Variants in CHID1 observed in about 807,000 individuals in gnomAD.
CHID1 encodes chitinase domain-containing protein 1.
A neutral mutation model predicts 55.4 loss-of-function variants in CHID1; 44 were observed. The observed-to-expected ratio is 0.79, with a 90% CI of 0.62 to 1.02. CHID1 has a LOEUF of 1.02. Among genes scored for constraint, CHID1 ranks in the 50% least tolerant of loss-of-function variants. CHID1 has a pLI of 0.00. For synonymous variants in CHID1, 216 were observed against 212.9 expected (o/e 1.01, Z -0.13); for missense variants, 491 against 515.3 (o/e 0.95, Z 0.46).
intron 7 of CHID1, 62 bp downstream of exon 7, chr11:899,278 C>T (rs1851623429): frequency 6.6e-7 from 1 of 1,505,258 alleles, no homozygotes; most frequent in South Asian, 1.2e-5. Flanking sequence ...GTCTTTCCTC[C>T]AGCCTCCTTC....
At chr11:887,097 A>G (rs892781450) in intron 8 of CHID1, among the ~76,000 whole-genome samples, 1 of 151,950 alleles carries the variant, frequency 6.6e-6, no homozygotes. Context: ...GCAGTGGCAC[A>G]ATCTCGGCTC....
Position 891,189 on chromosome 11 carries a change from C to T in CHID1, c.701+2238G>A, listed in dbSNP as rs531637471. ...CCCACGGGAGCCTCAGCACCTTCAC[C>T]GGCCCCGCCGACTGGGAGGGCACAG... is the stretch of plus-strand genomic sequence containing the variant. On this transcript the variant is annotated intron_variant, in intron 8 of 12. Coordinates refer to ENST00000323578, the MANE Select transcript of CHID1 (RefSeq NM_023947.4). Among the ~76,000 whole-genome samples the T allele has an allele frequency of 5.3e-5, 8 of 152,272 alleles. No homozygotes were observed. In the East Asian group the frequency reaches 7.7e-4, roughly 15 times the overall value.
chr11:892,209 G>T lies in CHID1; in HGVS notation c.701+1218C>A, dbSNP rs973333298. Among the ~76,000 whole-genome samples the T allele has an allele frequency of 2.6e-5, 4 of 152,354 alleles. No homozygotes were observed. In the East Asian group the frequency reaches 7.7e-4, roughly 29 times the overall value. The stretch of plus-strand genomic sequence containing the variant: ...CAGCCCTGGACTTGGGCCCGTTATT[G>T]CCGGGGAGGCTGAGGTTGCTGGGCT... On this transcript the variant is annotated intron_variant, in intron 8 of 12. Coordinates refer to ENST00000323578, the MANE Select transcript of CHID1 (RefSeq NM_023947.4).
At chr11:894,862 T>C (rs1363591206) in intron 7 of CHID1, among the ~76,000 whole-genome samples, 2 of 152,174 alleles carry the variant, frequency 1.3e-5, no homozygotes, top group Non-Finnish European at 2.9e-5. Context: ...CCTGTTTCCC[T>C]GACATGGCCC....
At chr11:914,876 G>A, upstream of CHID1, 1 of 317,956 alleles carries the variant, frequency 3.1e-6, no homozygotes, top group Admixed American at 4.4e-5. Context: ...AGTCAGCACA[G>A]GCAGGGCCCT....
At chr11:907,759 C>G (rs1241202578) in intron 1 of CHID1, among the ~76,000 whole-genome samples, 5 of 152,192 alleles carry the variant, frequency 3.3e-5, no homozygotes, top group Non-Finnish European at 7.3e-5. Context: ...TGGCCTTCCC[C>G]TTGGGTCACA....
chr11:870,499 C>T lies in CHID1; in HGVS notation c.960G>A (p.Arg320=), dbSNP rs766050579. The part of the protein sequence containing the change: ...KDAREPVVGA[R]YIQTLKDHRP... The stretch of plus-strand genomic sequence containing the variant: ...TGTGGTCCTTCAGTGTCTGGATGTA[C>T]CTGGGGAGACCAGGATATGGATTTG... The change falls in exon 11 of 13, where the codon AGG becomes AGA. Residue 320 remains arginine (R), a splice_region_variant and synonymous_variant. Coordinates refer to ENST00000323578, the MANE Select transcript of CHID1 (RefSeq NM_023947.4). 9 of 1,605,880 alleles carry T rather than the reference C, an allele frequency of 5.6e-6. No homozygotes were observed. In the South Asian group the frequency reaches 8.9e-5, roughly 16 times the overall value.
intron 7 of CHID1, among the ~76,000 whole-genome samples, chr11:894,305 C>A (rs554219910): frequency 6.6e-6 from 1 of 152,106 alleles, no homozygotes; most frequent in Non-Finnish European, 1.5e-5. Flanking sequence ...AGCAGTTAGG[C>A]CTCCTCTGGC....
chr11:882,598 G>A (rs570850077), intron 10 of CHID1: 1 of 154,334 alleles, frequency 6.5e-6, no homozygotes, highest in South Asian at 2.0e-4. Context: ...GAGCAGGGAG[G>A]ACAGCAACAC....
Position 869,798 on chromosome 11 carries a change from T to C in CHID1, c.*60A>G, listed in dbSNP as rs946762675. 4.1e-6 allele frequency: 6 copies of C among 1,461,370 alleles called. No individual in the cohort carries two copies. The African/African-American group carries it at 6.9e-5, about 17-fold the overall frequency. The allele number at this position is 1,461,370 out of a possible 1,614,324, so 90.5% of individuals were successfully genotyped here. A position where few individuals can be genotyped will look rare whatever the true frequency, so the allele number is the denominator to read the frequency against. On this transcript the variant is annotated 3_prime_UTR_variant, in exon 13 of 13. Transcript: ENST00000323578. Reference sequence around the variant, plus strand: ...GGAGTGGAGGCCTGTATTTCACACCTGCTCACTCACTCCATGGCTTAGAAA... The same window carrying C: ...GGAGTGGAGGCCTGTATTTCACACCCGCTCACTCACTCCATGGCTTAGAAA...
chr11:904,299 G>T (rs961804484), intron 2 of CHID1, among the ~76,000 whole-genome samples: 1 of 152,220 alleles, frequency 6.6e-6, no homozygotes, highest in African/African-American at 2.4e-5. Flanking sequence ...CACCCTTGAA[G>T]GTGCAATCCC....
At chr11:895,853 G>A (rs1439632775) in intron 7 of CHID1, among the ~76,000 whole-genome samples, 1 of 152,090 alleles carries the variant, frequency 6.6e-6, no homozygotes, top group African/African-American at 2.4e-5. Context: ...CCTGGATACT[G>A]CCTGCCCCTG....
intron 9 of CHID1, 146 bp from the exon 10 acceptor site, chr11:883,449 G>C: frequency 1.2e-6 from 1 of 860,738 alleles, no homozygotes; most frequent in Non-Finnish European, 1.8e-6. Context: ...TCACCCATCA[G>C]AAAGGGCTGT....
intron 10 of CHID1, among the ~76,000 whole-genome samples, chr11:873,361 AC>A (rs1406911250): frequency 6.6e-6 from 1 of 151,880 alleles, no homozygotes; most frequent in African/African-American, 2.4e-5. Flanking sequence ...GGCTTGTAAG[AC>A]CCCAAGGAGC....
intron 8 of CHID1, among the ~76,000 whole-genome samples, chr11:884,690 G>A (rs1850262601): frequency 6.6e-6 from 1 of 152,234 alleles, no homozygotes; most frequent in African/African-American, 2.4e-5. Context: ...AGGTAGACGG[G>A]AAGGACAAGT....
chr11:891,742 G>T (rs746417093), intron 8 of CHID1, among the ~76,000 whole-genome samples: 1 of 152,166 alleles, frequency 6.6e-6, no homozygotes, highest in Admixed American at 6.5e-5. Flanking sequence ...CCTGAGACAG[G>T]TGCTGTCAGC....
At chr11:886,837 C>T (rs1007289598) in intron 8 of CHID1, among the ~76,000 whole-genome samples, 2 of 152,182 alleles carry the variant, frequency 1.3e-5, no homozygotes, top group Non-Finnish European at 2.9e-5. Context: ...TTGGCTGCGT[C>T]GGTTCCATCC....
chr11:886,761 CCA>C (rs776457130), intron 8 of CHID1, among the ~76,000 whole-genome samples: 5 of 152,240 alleles, frequency 3.3e-5, no homozygotes, highest in Non-Finnish European at 7.3e-5. Context: ...TTGGCCCCTC[CCA>C]CACAGAGCCC....
chr11:901,422 T>TC (rs1851800923), intron 4 of CHID1, among the ~76,000 whole-genome samples: 1 of 152,118 alleles, frequency 6.6e-6, no homozygotes, highest in Non-Finnish European at 1.5e-5. Context: ...CTCTCTGAAC[T>TC]CCAAAACTGC....
Sources: gnomAD v4.1 joint callset for allele counts (sites outside exome capture counted in the v4.1 genomes callset) on GRCh38, gnomAD v4.1.1 for gene constraint, MANE v1.5 for transcripts, NCBI Gene and HGNC (gene_info 2026-07-23, HGNC 2026-07-21) for gene names.